HNRNPUL1: variants seen among roughly 807,000 people sequenced by gnomAD.
The protein encoded by HNRNPUL1 is heterogeneous nuclear ribonucleoprotein U like 1, also known as heterogeneous nuclear ribonucleoprotein U-like protein 1.
HNRNPUL1 carries 14 observed loss-of-function variants against 108.5 expected under a neutral mutation model. That is an observed-to-expected ratio of 0.13 (90% CI 0.09 to 0.20). The LOEUF is 0.20. HNRNPUL1 is among the 10% of genes least tolerant of loss of function. The pLI is 1.00. For synonymous variants in HNRNPUL1, 422 were observed against 445.2 expected, an observed-to-expected ratio of 0.95 and a Z score of 0.66; for missense variants, 804 against 1,168.3, an observed-to-expected ratio of 0.69 and a Z score of 4.55.
intron 10 of HNRNPUL1, among the ~76,000 whole-genome samples, chr19:41,297,665 A>G (rs1301196338): frequency 6.6e-6 from 1 of 152,110 alleles, no homozygotes; most frequent in East Asian, 1.9e-4. Context: ...GCCCAAGCCC[A>G]CCCCAGAGTA....
chr19:41,276,040 T>A (rs2035533887), intron 4 of HNRNPUL1, 119 bp from the exon 5 acceptor site: 1 of 1,280,356 alleles, frequency 7.8e-7, no homozygotes, highest in Non-Finnish European at 1.1e-6. Context: ...GAGGCGGAGG[T>A]TGCGGTGAGC....
chr19:41,277,997 C>G (rs1217287510), intron 5 of HNRNPUL1, among the ~76,000 whole-genome samples: 2 of 150,610 alleles, frequency 1.3e-5, no homozygotes, highest in African/African-American at 4.9e-5. Context: ...GACATTTTTC[C>G]ATAGCAGTAC....
intron 7 of HNRNPUL1, among the ~76,000 whole-genome samples, chr19:41,284,841 C>CA (rs370013668): frequency 6.6e-6 from 1 of 151,688 alleles, no homozygotes; most frequent in South Asian, 2.1e-4. Context: ...ACTAAAAATA[C>CA]AAAAATTAGC....
At chr19:41,269,760 G>T (rs1166134878) in intron 2 of HNRNPUL1, among the ~76,000 whole-genome samples, 1 of 152,102 alleles carries the variant, frequency 6.6e-6, no homozygotes, top group Non-Finnish European at 1.5e-5. Context: ...CTATGATCGT[G>T]CACGGCACTG....
intron 10 of HNRNPUL1, chr19:41,298,385 C>G (rs1454730450): frequency 1.3e-5 from 2 of 152,242 alleles, no homozygotes; most frequent in African/African-American, 4.8e-5. Flanking sequence ...GGAACCAAAG[C>G]AGCTGGAAAA....
At chr19:41,264,946 C>T in intron 1 of HNRNPUL1, 148 bp downstream of exon 1, 3 of 1,338,490 alleles carry the variant, frequency 2.2e-6, no homozygotes, top group Non-Finnish European at 2.9e-6. Flanking sequence ...ATCTGGGGAC[C>T]AGGGCCCCAG....
intron 7 of HNRNPUL1, among the ~76,000 whole-genome samples, chr19:41,289,007 A>G (rs1172188547): frequency 6.6e-6 from 1 of 151,948 alleles, no homozygotes; most frequent in Non-Finnish European, 1.5e-5. Flanking sequence ...AGTCAAAGGT[A>G]TATTTTTAAA....
chr19:41,264,639 C>T lies in HNRNPUL1; in HGVS notation c.136C>T (p.Arg46Trp). 6.3e-7 allele frequency: 1 copy of T among 1,584,814 alleles called. No individual in the cohort carries two copies. Among genetic ancestry groups the T allele is most frequent in the Non-Finnish European group, 8.5e-7 (1 of 1,173,092 alleles). ...ALEAEEPDDE[R>W]ELDADDEPGR... ...GGAGGCCGAGGAGCCTGACGACGAG[C>T]GGGAGCTCGACGCCGACGACGAACC... Residue 46 changes from arginine to tryptophan, a missense_variant, in exon 1 of 15, where the codon CGG becomes TGG. Arg to Trp is a moderately radical substitution (Grantham distance 101, BLOSUM62 -3). This residue lies in a region of HNRNPUL1 where 256 missense variants were observed against 261.6 expected (regional missense o/e 0.98). Transcript: ENST00000392006.
At position 41,302,662 on chromosome 19, in the gene HNRNPUL1, T is replaced by C. The variant is rs765701590; in HGVS notation, c.1688-3T>C. On this transcript the variant is annotated splice_region_variant and splice_polypyrimidine_tract_variant and intron_variant, in intron 11 of 14. Coordinates refer to ENST00000392006, the MANE Select transcript of HNRNPUL1 (RefSeq NM_007040.6). ...TCTCTTTGGGGCACTTCCTTCCTCC[T>C]AGCCAACTTCACGTTGCCAGATGTT... 1 of 1,614,210 alleles carries C rather than the reference T, an allele frequency of 6.2e-7. No homozygotes were observed. The highest frequency in any genetic ancestry group is 1.1e-5 in the South Asian group (1 of 91,082).
At chr19:41,300,167 C>T (rs1257195883) in intron 10 of HNRNPUL1, among the ~76,000 whole-genome samples, 2 of 152,106 alleles carry the variant, frequency 1.3e-5, no homozygotes, top group Non-Finnish European at 2.9e-5. Flanking sequence ...TATGGACATT[C>T]TCTTACTCAG....
At chr19:41,301,486 A>C in intron 10 of HNRNPUL1, 50 bp from the exon 11 acceptor site, 1 of 1,544,136 alleles carries the variant, frequency 6.5e-7, no homozygotes, top group South Asian at 1.2e-5. Context: ...AGAGGAAAAA[A>C]CCAACTCTTA....
At position 41,276,468 on chromosome 19, in the gene HNRNPUL1, TATC is replaced by T. The variant is rs1452946971; in HGVS notation, c.786+173_786+175del. ...TCAAGACAACTACATCATTGCTAAA[TATC>T]ATATCAGAAAAGCAGGCCAACCATG... is the stretch of plus-strand genomic sequence containing the variant. On this transcript the variant is annotated intron_variant, in intron 5 of 14. Coordinates refer to ENST00000392006, the MANE Select transcript of HNRNPUL1 (RefSeq NM_007040.6). The T allele has an allele frequency of 4.8e-6, 3 of 630,396 alleles. No individual in the cohort carries two copies. In the African/African-American group the frequency reaches 5.6e-5, roughly 12 times the overall value. The allele number at this position is 630,396 out of a possible 1,614,324, so 39.1% of individuals were successfully genotyped here.
intron 7 of HNRNPUL1, among the ~76,000 whole-genome samples, chr19:41,283,001 T>C (rs2035996475): frequency 6.6e-6 from 1 of 152,224 alleles, no homozygotes; most frequent in South Asian, 2.1e-4. Flanking sequence ...GCCATTTTTT[T>C]CAATAAATAT....
intron 7 of HNRNPUL1, among the ~76,000 whole-genome samples, chr19:41,289,012 T>G (rs563200044): frequency 3.3e-5 from 5 of 152,316 alleles, no homozygotes; most frequent in African/African-American, 1.2e-4. Context: ...AAGGTATATT[T>G]TTAAATTTTC....
chr19:41,283,566 C>G (rs771413137), intron 7 of HNRNPUL1, among the ~76,000 whole-genome samples: 8 of 152,178 alleles, frequency 5.3e-5, no homozygotes, highest in Admixed American at 6.5e-5. Context: ...AGTGATTCTC[C>G]TGCCTCAGCC....
chr19:41,295,947 G>C (rs1231096699), intron 10 of HNRNPUL1, among the ~76,000 whole-genome samples: 1 of 152,202 alleles, frequency 6.6e-6, no homozygotes, highest in Non-Finnish European at 1.5e-5. Flanking sequence ...TCTCCGCTTT[G>C]AAGATTTGTC....
At chr19:41,295,513 A>G (rs190817327) in intron 10 of HNRNPUL1, among the ~76,000 whole-genome samples, 66 of 152,328 alleles carry the variant, frequency 4.3e-4, no homozygotes, top group Admixed American at 3.3e-3. Flanking sequence ...GTCATTGCCT[A>G]TTGACATTTG....
At chr19:41,300,402 T>C (rs1009073393) in intron 10 of HNRNPUL1, among the ~76,000 whole-genome samples, 19 of 152,104 alleles carry the variant, frequency 1.2e-4, no homozygotes, top group African/African-American at 4.6e-4. Flanking sequence ...GGGTCCCTAT[T>C]AGAGCCACTA....
rs1334594743 is a variant in HNRNPUL1, at chr19:41,306,535, G to A, written c.2541G>A (p.Gly847=). 1.2e-6 allele frequency: 2 copies of A among 1,605,652 alleles called. No individual in the cohort carries two copies. The highest frequency in any genetic ancestry group is 3.4e-5 in the Admixed American group (2 of 58,750). Residue 847 remains glycine (G), a synonymous_variant, in exon 15 of 15, where the codon GGG becomes GGA. Coordinates refer to ENST00000392006, the MANE Select transcript of HNRNPUL1 (RefSeq NM_007040.6). Reference sequence around the variant, plus strand: ...ACTACGACTACGGGAGCTACTCCGGGAACACACAGGGTGGCACAAGTACAC... The same window carrying A: ...ACTACGACTACGGGAGCTACTCCGGAAACACACAGGGTGGCACAAGTACAC... ...YGNYDYGSYS[G]NTQGGTSTQ
Sources: gnomAD v4.1 joint callset for allele counts (sites outside exome capture counted in the v4.1 genomes callset) on GRCh38, gnomAD v4.1.1 for gene constraint, gnomAD v4.1.1 regional missense constraint, MANE v1.5 for transcripts, NCBI Gene and HGNC (gene_info 2026-07-23, HGNC 2026-07-21) for gene names.